Variants in PLOD2 observed in about 807,000 individuals in gnomAD.
PLOD2 encodes lysine hydroxylase 2.
In PLOD2, 65 loss-of-function variants were observed where a neutral mutation model predicts 101.0. That is an observed-to-expected ratio of 0.64 (90% CI 0.53 to 0.79). PLOD2 has a LOEUF of 0.79. Among genes scored for constraint, PLOD2 ranks in the 30% least tolerant of loss-of-function variants. The pLI, the probability that PLOD2 is intolerant of heterozygous loss-of-function variation, is 0.00. For missense variants in PLOD2, 909 were observed against 914.6 expected (o/e 0.99, Z 0.08); for synonymous variants, 314 against 302.9 (o/e 1.04, Z -0.38).
At chr3:146,079,612 A>G (rs750273593) in intron 12 of PLOD2, among the ~76,000 whole-genome samples, 15 of 152,016 alleles carry the variant, frequency 9.9e-5, no homozygotes, top group Admixed American at 2.0e-4. Flanking sequence ...AGCATGAATC[A>G]TAACATACAA....
chr3:146,097,875 A>G (rs1937261201), intron 7 of PLOD2, among the ~76,000 whole-genome samples: 1 of 152,074 alleles, frequency 6.6e-6, no homozygotes, highest in African/African-American at 2.4e-5. Context: ...TGCAGCCATG[A>G]AAAAGAATGA....
At chr3:146,111,961 T>C (rs929023132) in intron 3 of PLOD2, among the ~76,000 whole-genome samples, 2 of 152,124 alleles carry the variant, frequency 1.3e-5, no homozygotes, top group Non-Finnish European at 2.9e-5. Context: ...ATGCGAGTGA[T>C]AAACAGACCC....
intron 1 of PLOD2, among the ~76,000 whole-genome samples, chr3:146,131,319 T>A (rs983284486): frequency 6.6e-6 from 1 of 152,220 alleles, no homozygotes; most frequent in African/African-American, 2.4e-5. Context: ...AACCATATGC[T>A]GAATCCTGTA....
At chr3:146,115,947 C>T (rs903564095) in intron 3 of PLOD2, among the ~76,000 whole-genome samples, 9 of 152,114 alleles carry the variant, frequency 5.9e-5, no homozygotes, top group African/African-American at 1.9e-4. Context: ...CCACAGAATC[C>T]ATCATCTTGA....
At chr3:146,133,171 G>C (rs548876966) in intron 1 of PLOD2, among the ~76,000 whole-genome samples, 1 of 152,032 alleles carries the variant, frequency 6.6e-6, no homozygotes, top group African/African-American at 2.4e-5. Flanking sequence ...GCAAGATTCC[G>C]TCTCAAAAAA....
At chr3:146,108,360 T>A (rs1028179585) in intron 4 of PLOD2, among the ~76,000 whole-genome samples, 13 of 152,008 alleles carry the variant, frequency 8.6e-5, no homozygotes, top group Middle Eastern at 3.4e-3. Context: ...TAAAAAAAAA[T>A]TTTAGTAGAA....
At chr3:146,156,850 T>C (rs952714280) in intron 1 of PLOD2, among the ~76,000 whole-genome samples, 2 of 152,244 alleles carry the variant, frequency 1.3e-5, no homozygotes, top group African/African-American at 4.8e-5. Context: ...GCCCCTCTTC[T>C]ACTGCTTTCC....
intron 1 of PLOD2, among the ~76,000 whole-genome samples, chr3:146,134,246 T>A (rs2031099894): frequency 6.6e-6 from 1 of 152,094 alleles, no homozygotes; most frequent in South Asian, 2.1e-4. Context: ...ATATCCAAAA[T>A]GAAAAGATTA....
chr3:146,146,518 G>C (rs1170797375), intron 1 of PLOD2, among the ~76,000 whole-genome samples: 1 of 152,140 alleles, frequency 6.6e-6, no homozygotes, highest in Admixed American at 6.5e-5. Flanking sequence ...CGGGTGGACG[G>C]AGAGGGAGAG....
intron 2 of PLOD2, among the ~76,000 whole-genome samples, chr3:146,121,476 G>C (rs183987884): frequency 6.6e-6 from 1 of 152,168 alleles, no homozygotes; most frequent in Non-Finnish European, 1.5e-5. Context: ...CATCTCAAAA[G>C]TTGTGAGTCT....
chr3:146,075,513 A>G (rs1936299630), intron 15 of PLOD2, among the ~76,000 whole-genome samples: 1 of 150,386 alleles, frequency 6.6e-6, no homozygotes, highest in African/African-American at 2.4e-5. Flanking sequence ...AAAAAGAAGA[A>G]GAAAACAGAT....
intron 7 of PLOD2, among the ~76,000 whole-genome samples, chr3:146,100,272 C>T (rs1937341743): frequency 6.6e-6 from 1 of 152,180 alleles, no homozygotes; most frequent in South Asian, 2.1e-4. Context: ...AGATTATTGA[C>T]TCTAACATTC....
At chr3:146,160,555 A>G (rs1235729808) in intron 1 of PLOD2, among the ~76,000 whole-genome samples, 2 of 152,140 alleles carry the variant, frequency 1.3e-5, no homozygotes, top group Non-Finnish European at 2.9e-5. Flanking sequence ...ACTCTCGGAA[A>G]GGAGGGGAAA....
intron 1 of PLOD2, chr3:146,160,646 G>A: frequency 1.8e-6 from 1 of 546,510 alleles, no homozygotes; most frequent in South Asian, 2.3e-5. Flanking sequence ...GGGAAATTCG[G>A]GCACGCTGAG....
intron 1 of PLOD2, 131 bp downstream of exon 1, chr3:146,160,750 G>A (rs2032534618): frequency 1.6e-6 from 1 of 643,792 alleles, no homozygotes; most frequent in Non-Finnish European, 2.8e-6. Context: ...GGAAGACCCC[G>A]GCGGTCCTGG....
At chr3:146,116,682 T>C (rs1937927560) in intron 3 of PLOD2, among the ~76,000 whole-genome samples, 1 of 152,142 alleles carries the variant, frequency 6.6e-6, no homozygotes, top group Non-Finnish European at 1.5e-5. Context: ...TCCTGTTATT[T>C]GCAACAATAA....
intron 1 of PLOD2, among the ~76,000 whole-genome samples, chr3:146,157,775 T>G (rs1250207137): frequency 6.6e-6 from 1 of 152,224 alleles, no homozygotes; most frequent in Non-Finnish European, 1.5e-5. Context: ...GGATGATATG[T>G]CATTCTGTGT....
At chr3:146,143,939 T>A (rs1015844110) in intron 1 of PLOD2, among the ~76,000 whole-genome samples, 8 of 152,080 alleles carry the variant, frequency 5.3e-5, no homozygotes, top group Admixed American at 4.6e-4. Context: ...CCCCTCCTTG[T>A]CCCTAATGCA....
Position 146,071,126 on chromosome 3 carries a change from T to G in PLOD2, c.2037A>C (p.Glu679Asp). The G allele has an allele frequency of 6.2e-7, 1 of 1,611,224 alleles. No homozygotes were observed. ...GATGAGGACGAAGAGAACGCTGTCG[T>G]TCAGGGGAGTATTTTACTACAAAAT... The part of the protein sequence containing the change: ...LLNFVVKYSP[E>D]RQRSLRPHHD... Residue 679 changes from glutamate to aspartate, a missense_variant, in exon 19 of 20, where the codon GAA (glutamate) becomes GAC (aspartate). Glu to Asp is a conservative substitution (Grantham distance 45). Coordinates refer to ENST00000282903, the MANE Select transcript of PLOD2 (RefSeq NM_182943.3).
Sources: allele counts gnomAD v4.1 joint callset (sites outside exome capture counted in the v4.1 genomes callset), GRCh38; gene constraint gnomAD v4.1.1; transcripts MANE v1.5; gene names NCBI Gene and HGNC (gene_info 2026-07-23, HGNC 2026-07-21).